SOCS5: variants seen among roughly 807,000 people sequenced by gnomAD.
SOCS5 encodes suppressor of cytokine signaling 5.
In SOCS5, 32 loss-of-function variants were observed where a neutral mutation model predicts 42.8. That is an observed-to-expected ratio of 0.75 (90% CI 0.56 to 1.01). SOCS5 has a LOEUF of 1.01. Among genes scored for constraint, SOCS5 ranks in the 50% least tolerant of loss-of-function variants. SOCS5 has a pLI of 0.00. For missense variants in SOCS5, 627 were observed against 653.0 expected (o/e 0.96, Z 0.43); for synonymous variants, 283 against 229.6 (o/e 1.23, Z -2.10).
chr2:46,736,048 C>A (rs1298392790), intron 1 of SOCS5, among the ~76,000 whole-genome samples: 1 of 150,822 alleles, frequency 6.6e-6, no homozygotes, highest in Non-Finnish European at 1.5e-5. Context: ...CCCCCTCTCT[C>A]CCTCCCTCTT....
intron 1 of SOCS5, among the ~76,000 whole-genome samples, chr2:46,706,345 A>C (rs1314508720): frequency 6.6e-6 from 1 of 152,184 alleles, no homozygotes; most frequent in Non-Finnish European, 1.5e-5. Flanking sequence ...GACATTTCCC[A>C]GGATATTAGG....
intron 1 of SOCS5, among the ~76,000 whole-genome samples, chr2:46,746,980 C>G (rs1409326406): frequency 2.3e-5 from 2 of 85,814 alleles, no homozygotes; most frequent in South Asian, 3.7e-4. Context: ...CTTTTGATCT[C>G]TTGTTCTGGC....
At chr2:46,734,921 T>C (rs1008610451) in intron 1 of SOCS5, among the ~76,000 whole-genome samples, 1 of 152,204 alleles carries the variant, frequency 6.6e-6, no homozygotes, top group Non-Finnish European at 1.5e-5. Context: ...ACATCAGCCA[T>C]CTGAATCATT....
rs1673812051 is a variant in SOCS5, at chr2:46,759,552, G to A, written c.1022G>A (p.Arg341His). 3 of 1,613,978 alleles carry A rather than the reference G, an allele frequency of 1.9e-6. No homozygotes were observed. The highest frequency in any genetic ancestry group is 1.1e-5 in the South Asian group (1 of 91,082). ...LCLQSRRQKQRQISGDSHTHV... is the reference protein window; with the variant it reads ...LCLQSRRQKQHQISGDSHTHV... ...TTGCAGTCACGGAGGCAGAAGCAGC[G>A]TCAGATATCTGGAGACAGCCATACC... Residue 341 changes from arginine (R) to histidine (H), a missense_variant, in exon 2 of 2, where the codon CGT becomes CAT. Arg to His is a conservative substitution (Grantham distance 29). Transcript: ENST00000394861.
In SOCS5 at chr2:46,699,823, G is replaced by A. The variant is rs187534789; in HGVS notation, c.-13+374G>A. On this transcript the variant is annotated intron_variant, in intron 1 of 1. Coordinates refer to ENST00000394861, the MANE Select transcript of SOCS5 (RefSeq NM_144949.3). The surrounding 1 kb of genome is among the most constrained non-coding windows in gnomAD (Gnocchi z 4.8). Reference sequence around the variant, plus strand: ...TCGGGGTCGTGGTGGGTCGCGGGGAGGCCACCGGAGACTGAAGCAGTTACA... The same window carrying A: ...TCGGGGTCGTGGTGGGTCGCGGGGAAGCCACCGGAGACTGAAGCAGTTACA... Among the ~76,000 whole-genome samples, 404 of 152,200 alleles carry A rather than the reference G, an allele frequency of 2.7e-3. 4 individuals are homozygous for A. The highest frequency in any genetic ancestry group is 9.3e-3 in the African/African-American group (387 of 41,520).
chr2:46,709,935 A>G (rs971473955), intron 1 of SOCS5, among the ~76,000 whole-genome samples: 9 of 152,124 alleles, frequency 5.9e-5, no homozygotes, highest in African/African-American at 1.9e-4. Context: ...TTTCCTAGAC[A>G]TGAGAATTAC....
chr2:46,742,435 T>G (rs1673399747), intron 1 of SOCS5, among the ~76,000 whole-genome samples: 1 of 151,842 alleles, frequency 6.6e-6, no homozygotes, highest in African/African-American at 2.4e-5. Flanking sequence ...ATATTAATTT[T>G]CAACATATGA....
At position 46,760,998 on chromosome 2, in the gene SOCS5, C is replaced by T. The variant is rs896227546; in HGVS notation, c.*857C>T. The T allele has an allele frequency of 6.0e-6, 1 of 166,778 alleles. No individual in the cohort carries two copies. Among genetic ancestry groups the T allele is most frequent in the Non-Finnish European group, 1.5e-5 (1 of 68,078 alleles). The allele number at this position is 166,778 out of a possible 1,614,324, so 10.3% of individuals were successfully genotyped here. A position where few individuals can be genotyped will look rare whatever the true frequency, so the allele number is the denominator to read the frequency against. On this transcript the variant is annotated 3_prime_UTR_variant, in exon 2 of 2. Transcript: ENST00000394861. ...TGAAGTACGTGAGACTAGAAGACGC[C>T]CAAACAAGTCAGATAATAGTAACTA...
At chr2:46,708,657 A>G (rs1672547391) in intron 1 of SOCS5, among the ~76,000 whole-genome samples, 1 of 152,166 alleles carries the variant, frequency 6.6e-6, no homozygotes, top group African/African-American at 2.4e-5. Flanking sequence ...ATGTAGAAAA[A>G]TATTTGCTGC....
chr2:46,756,961 G>C (rs773177530), intron 1 of SOCS5, among the ~76,000 whole-genome samples: 1 of 152,202 alleles, frequency 6.6e-6, no homozygotes, highest in Non-Finnish European at 1.5e-5. Context: ...AGATTTAACA[G>C]TTCTGTCTAA....
rs111676318 is a variant in SOCS5, at chr2:46,703,354, GT to G, written c.-13+3917del. 1.4e-3 allele frequency among the ~76,000 whole-genome samples: 207 copies of G among 147,376 alleles called. 3 individuals carry two copies. Among genetic ancestry groups the G allele is most frequent in the East Asian group, 0.012 (59 of 5,056 alleles). On this transcript the variant is annotated intron_variant, in intron 1 of 1. Coordinates refer to ENST00000394861, the MANE Select transcript of SOCS5 (RefSeq NM_144949.3). ...CATGTAGCCATCACAAGTTTTCACA[GT>G]TTTTTTTTTTTCACTGATGCAGAAT... is the stretch of plus-strand genomic sequence containing the variant.
At chr2:46,748,447 A>G (rs1235158452) in intron 1 of SOCS5, among the ~76,000 whole-genome samples, 1 of 152,032 alleles carries the variant, frequency 6.6e-6, no homozygotes, top group Non-Finnish European at 1.5e-5. Flanking sequence ...TCAGCCTCCA[A>G]AAGTGTTGGG....
intron 1 of SOCS5, among the ~76,000 whole-genome samples, chr2:46,756,109 A>G (rs889078480): frequency 6.6e-6 from 1 of 152,208 alleles, no homozygotes; most frequent in African/African-American, 2.4e-5. Context: ...ATATCACACT[A>G]ATTCATACAA....
chr2:46,724,917 T>G (rs1422364879), intron 1 of SOCS5, among the ~76,000 whole-genome samples: 1 of 152,046 alleles, frequency 6.6e-6, no homozygotes, highest in East Asian at 1.9e-4. Flanking sequence ...GGTTGATATT[T>G]TTGTCTATTA....
At chr2:46,705,106 T>C (rs1276095836) in intron 1 of SOCS5, among the ~76,000 whole-genome samples, 1 of 152,260 alleles carries the variant, frequency 6.6e-6, no homozygotes, top group Admixed American at 6.5e-5. Context: ...CCTTAAAATA[T>C]GTTTTGTAAT....
At chr2:46,707,710 A>G (rs1035502600) in intron 1 of SOCS5, among the ~76,000 whole-genome samples, 6 of 152,234 alleles carry the variant, frequency 3.9e-5, no homozygotes, top group African/African-American at 1.4e-4. Flanking sequence ...TAAAGAGAAT[A>G]GTCTGGAGGA....
intron 1 of SOCS5, among the ~76,000 whole-genome samples, chr2:46,751,921 A>G (rs1456402988): frequency 6.6e-6 from 1 of 152,216 alleles, no homozygotes; most frequent in African/African-American, 2.4e-5. Flanking sequence ...ATATTTTGTG[A>G]CAAGGGAAAA....
intron 1 of SOCS5, among the ~76,000 whole-genome samples, chr2:46,741,937 T>C (rs1572842984): frequency 6.6e-6 from 1 of 152,230 alleles, no homozygotes; most frequent in South Asian, 2.1e-4. Context: ...ATGTGCATAG[T>C]TTTCAAGCTT....
intron 1 of SOCS5, among the ~76,000 whole-genome samples, chr2:46,705,842 A>G (rs1260686604): frequency 6.6e-6 from 1 of 152,220 alleles, no homozygotes; most frequent in Non-Finnish European, 1.5e-5. Flanking sequence ...GTGCTGTTCC[A>G]GGTAGTTAAA....
Sources: gnomAD v4.1 joint callset for allele counts (sites outside exome capture counted in the v4.1 genomes callset) on GRCh38, gnomAD v4.1.1 for gene constraint, Gnocchi (gnomAD v3.1) non-coding constraint, MANE v1.5 for transcripts, NCBI Gene and HGNC (gene_info 2026-07-23, HGNC 2026-07-21) for gene names.